The following MEIS2 variants were observed in gnomAD, a reference collection of about 807,000 sequenced individuals.
MEIS2 encodes Meis homeobox 2.
A neutral mutation model predicts 58.6 loss-of-function variants in MEIS2; 9 were observed. That is an observed-to-expected ratio of 0.15 (90% confidence interval 0.09 to 0.27). The LOEUF is 0.27. MEIS2 is among the 10% of genes least tolerant of loss of function. The pLI, the probability that MEIS2 is intolerant of heterozygous loss-of-function variation, is 1.00. For synonymous variants in MEIS2, 221 were observed against 228.4 expected (o/e 0.97, Z 0.29); for missense variants, 427 against 635.0 (o/e 0.67, Z 3.52).
chr15:37,051,583 G>C (rs1362682002), intron 7 of MEIS2, among the ~76,000 whole-genome samples: 1 of 152,130 alleles, frequency 6.6e-6, no homozygotes, highest in Non-Finnish European at 1.5e-5. Context: ...TTATTAAATT[G>C]TACACTTTAA....
At chr15:37,027,739 C>T (rs2061754501) in intron 8 of MEIS2, among the ~76,000 whole-genome samples, 2 of 151,718 alleles carry the variant, frequency 1.3e-5, no homozygotes, top group African/African-American at 4.8e-5. Flanking sequence ...TTTCATTCTT[C>T]AATCTTTTCA....
At chr15:36,960,259 T>C (rs892036899) in intron 8 of MEIS2, among the ~76,000 whole-genome samples, 3 of 151,964 alleles carry the variant, frequency 2.0e-5, no homozygotes, top group Admixed American at 2.0e-4. Flanking sequence ...TTTTTTTTTT[T>C]CAAAAAGGTT....
At chr15:37,056,916 C>G (rs906899153) in intron 7 of MEIS2, among the ~76,000 whole-genome samples, 8 of 152,190 alleles carry the variant, frequency 5.3e-5, no homozygotes, top group African/African-American at 1.9e-4. Context: ...CAATGATTTC[C>G]GCCTTAACGC....
At chr15:36,984,266 G>A (rs1257992490) in intron 8 of MEIS2, among the ~76,000 whole-genome samples, 3 of 151,988 alleles carry the variant, frequency 2.0e-5, no homozygotes, top group African/African-American at 7.2e-5. Flanking sequence ...TGAGTATTAT[G>A]TTAGCTATAA....
chr15:36,986,765 C>A (rs1050947435), intron 8 of MEIS2, among the ~76,000 whole-genome samples: 5 of 152,178 alleles, frequency 3.3e-5, no homozygotes, highest in Non-Finnish European at 7.4e-5. Flanking sequence ...TAACGGCTTT[C>A]AAAAGCGTTA....
chr15:36,946,849 G>A (rs1001807390), intron 9 of MEIS2, among the ~76,000 whole-genome samples: 10 of 151,874 alleles, frequency 6.6e-5, no homozygotes, highest in South Asian at 2.1e-4. Flanking sequence ...AACCCCACAC[G>A]GTCTGATTCC....
intron 7 of MEIS2, among the ~76,000 whole-genome samples, chr15:37,054,559 G>A (rs940155430): frequency 6.6e-6 from 1 of 152,158 alleles, no homozygotes; most frequent in Non-Finnish European, 1.5e-5. Context: ...TGGGACTACA[G>A]GCATGTGCCA....
At chr15:36,994,402 T>C (rs900960786) in intron 8 of MEIS2, among the ~76,000 whole-genome samples, 13 of 152,228 alleles carry the variant, frequency 8.5e-5, no homozygotes, top group African/African-American at 2.9e-4. Flanking sequence ...ATTGGTCGGA[T>C]AGTCTTAGCA....
At chr15:36,965,579 G>A (rs1300763055) in intron 8 of MEIS2, among the ~76,000 whole-genome samples, 4 of 152,198 alleles carry the variant, frequency 2.6e-5, no homozygotes, top group Non-Finnish European at 4.4e-5. Flanking sequence ...GAATATGGAA[G>A]TCCTGAATAG....
At position 37,093,490 on chromosome 15, in the gene MEIS2, A is replaced by G. The variant is rs150791968; in HGVS notation, c.639+91T>C. ...AAGAGACGGAGTCATTTAAAAAGAAAACTAAATCAGTGGAGCTAGATGTTA... is the reference window on the plus strand; with the variant it reads ...AAGAGACGGAGTCATTTAAAAAGAAGACTAAATCAGTGGAGCTAGATGTTA... On this transcript the variant is annotated intron_variant, in intron 6 of 11. Coordinates refer to ENST00000561208, the MANE Select transcript of MEIS2 (RefSeq NM_170675.5). 4.5e-4 allele frequency: 655 copies of G among 1,454,032 alleles called. 3 individuals are homozygous for G. Among genetic ancestry groups the G allele is most frequent in the Admixed American group, 3.8e-3 (161 of 42,120 alleles). The allele number at this position is 1,454,032 out of a possible 1,614,324, so 90.1% of individuals were successfully genotyped here.
chr15:36,896,804 C>A (rs923445528), intron 9 of MEIS2, 118 bp from the exon 10 acceptor site: 3 of 853,066 alleles, frequency 3.5e-6, no homozygotes, highest in Admixed American at 4.3e-5. Context: ...ATTATCTTTT[C>A]AATTTAAAGG....
In MEIS2 at chr15:36,997,935, G is replaced by A. The variant is rs77973083; in HGVS notation, c.900+38879C>T. On this transcript the variant is annotated intron_variant, in intron 8 of 11. Coordinates refer to ENST00000561208, the MANE Select transcript of MEIS2 (RefSeq NM_170675.5). ...TGACCGAGGTCAGGCTGAAACCTGT[G>A]GCCCTGCACCTTCACTGATCCTTGC... is the stretch of plus-strand genomic sequence containing the variant. 4.9e-3 allele frequency among the ~76,000 whole-genome samples: 751 copies of A among 152,242 alleles called. 5 individuals are homozygous for A. Among genetic ancestry groups the A allele is most frequent in the African/African-American group, 0.017 (717 of 41,542 alleles).
At chr15:36,990,751 A>G (rs1391912303) in intron 8 of MEIS2, among the ~76,000 whole-genome samples, 1 of 152,140 alleles carries the variant, frequency 6.6e-6, no homozygotes, top group Non-Finnish European at 1.5e-5. Context: ...AGAAGCAAAA[A>G]CTTAACATTT....
chr15:37,014,845 G>GT (rs35727022), intron 8 of MEIS2, among the ~76,000 whole-genome samples: 20 of 140,042 alleles, frequency 1.4e-4, no homozygotes, highest in African/African-American at 4.2e-4. Context: ...AGGTCTAAGG[G>GT]TTTTTTTTTT....
At chr15:37,047,902 A>G (rs2062740469) in intron 7 of MEIS2, among the ~76,000 whole-genome samples, 1 of 152,254 alleles carries the variant, frequency 6.6e-6, no homozygotes, top group African/African-American at 2.4e-5. Context: ...AACTGTAAAT[A>G]TAAATAGCTG....
At chr15:37,092,006 C>T (rs1238227528) in intron 6 of MEIS2, among the ~76,000 whole-genome samples, 3 of 152,140 alleles carry the variant, frequency 2.0e-5, no homozygotes, top group African/African-American at 7.2e-5. Flanking sequence ...TCATGGACCA[C>T]AACACACTGT....
rs1367701726 is a variant in MEIS2, at chr15:37,099,824, A to T, written c.-358T>A. 4.4e-6 allele frequency: 1 copy of T among 225,668 alleles called. No homozygotes were observed. The highest frequency in any genetic ancestry group is 8.6e-6 in the Non-Finnish European group (1 of 116,944). 14.0% of individuals were successfully genotyped at this position (225,668 alleles called of 1,614,324 possible). On this transcript the variant is annotated 5_prime_UTR_variant, in exon 1 of 12. Transcript: ENST00000561208. ...AGTTGGAAAAAAAAAGAAAGAAAAG[A>T]AAAAGAAGAAAAAGAAGAAAAAAAT...
chr15:36,987,318 G>A (rs1391113750), intron 8 of MEIS2, among the ~76,000 whole-genome samples: 1 of 151,110 alleles, frequency 6.6e-6, no homozygotes, highest in Non-Finnish European at 1.5e-5. Context: ...TAAGGCAAGA[G>A]GATCATTTGA....
chr15:37,033,999 C>T (rs75501430), intron 8 of MEIS2, among the ~76,000 whole-genome samples: 1,526 of 151,998 alleles, frequency 0.01, 26 homozygotes, highest in African/African-American at 0.036. Flanking sequence ...GCAGAAAAGG[C>T]AGAGGAGCGG....
Sources: gnomAD v4.1 joint callset for allele counts (sites outside exome capture counted in the v4.1 genomes callset) on GRCh38, gnomAD v4.1.1 for gene constraint, MANE v1.5 for transcripts, NCBI Gene and HGNC (gene_info 2026-07-23, HGNC 2026-07-21) for gene names.